NHSL2: variants seen among roughly 807,000 people sequenced by gnomAD.
The protein encoded by NHSL2 is NHS-like protein 2.
Under a neutral mutation model 53.4 loss-of-function variants are expected in NHSL2, and 27 were observed. That is an observed-to-expected ratio of 0.51 (90% CI 0.37 to 0.70). The LOEUF (loss-of-function observed/expected upper bound fraction) is 0.70, where lower values mean the gene tolerates loss of function less well. Ranked by LOEUF, NHSL2 falls within the 30% of genes least tolerant of loss-of-function variation. The pLI is 0.00. For synonymous variants in NHSL2, 408 were observed against 404.1 expected (o/e 1.01, Z -0.12); for missense variants, 892 against 980.1 (o/e 0.91, Z 1.20).
intron 1 of NHSL2, among the ~76,000 whole-genome samples, chrX:72,061,636 T>C (rs1377901833): frequency 8.9e-6 from 1 of 112,039 alleles, no homozygotes; most frequent in African/African-American, 3.2e-5. Flanking sequence ...AACATTTAAA[T>C]CATATCCTGT....
At chrX:72,044,032 G>A (rs1270774442) in intron 1 of NHSL2, among the ~76,000 whole-genome samples, 1 of 112,015 alleles carries the variant, frequency 8.9e-6, no homozygotes, top group African/African-American at 3.3e-5. Context: ...AAGCTACCAG[G>A]CTAGTTGAGA....
chrX:72,138,847 G>C lies in NHSL2; in HGVS notation c.1299G>C (p.Leu433=), dbSNP rs1236089197. ...TCTCTCTAAACAAAGTCCCACCTCT[G>C]GTTCCTAAGGAGGCTGCTACCCTCC... The part of the protein sequence containing the change: ...SWVSLNKVPP[L]VPKEAATLLV... The change falls in exon 6 of 8, where the codon CTG becomes CTC. Residue 433 remains leucine (L), a synonymous_variant. Coordinates refer to ENST00000633930, the MANE Select transcript of NHSL2 (RefSeq NM_001013627.3). The C allele has an allele frequency of 8.3e-7, 1 of 1,210,550 alleles. No homozygotes were observed. Among genetic ancestry groups the C allele is most frequent in the Admixed American group, 2.2e-5 (1 of 46,048 alleles).
intron 1 of NHSL2, among the ~76,000 whole-genome samples, chrX:72,054,251 C>A (rs903740503): frequency 9.0e-6 from 1 of 111,535 alleles, no homozygotes; most frequent in Non-Finnish European, 1.9e-5. Context: ...ACTATTTTGA[C>A]AGGTTGTTCC....
At chrX:72,129,495 A>C (rs1191857996) in intron 1 of NHSL2, 2 of 234,402 alleles carry the variant, frequency 8.5e-6, no homozygotes, top group Non-Finnish European at 7.7e-6. Flanking sequence ...GGTGAGGGTT[A>C]GGAACAACCA....
chrX:71,983,853 TCG>T (rs1316892079), intron 1 of NHSL2, among the ~76,000 whole-genome samples: 1 of 111,643 alleles, frequency 9.0e-6, no homozygotes, highest in Non-Finnish European at 1.9e-5. Context: ...GTCACTCTCA[TCG>T]CCATCTTGGT....
chrX:72,108,064 C>T (rs1405212332), intron 1 of NHSL2, among the ~76,000 whole-genome samples: 3 of 111,560 alleles, frequency 2.7e-5, no homozygotes, highest in Non-Finnish European at 5.7e-5. Context: ...TGAGAAGTAA[C>T]AGGGCTTTGA....
At chrX:72,095,176 T>C in intron 1 of NHSL2, among the ~76,000 whole-genome samples, 1 of 112,307 alleles carries the variant, frequency 8.9e-6, no homozygotes, top group Non-Finnish European at 1.9e-5. Context: ...AAGCAGGACC[T>C]AGAAGCTCTT....
intron 1 of NHSL2, among the ~76,000 whole-genome samples, chrX:72,052,624 G>C (rs189102334): frequency 8.1e-4 from 91 of 111,787 alleles, no homozygotes; most frequent in African/African-American, 2.9e-3. Flanking sequence ...TTCCAGTCCA[G>C]CTTCCCCCAT....
chrX:71,917,027 C>A (rs942605310), intron 1 of NHSL2, among the ~76,000 whole-genome samples: 1 of 111,924 alleles, frequency 8.9e-6, no homozygotes, highest in Non-Finnish European at 1.9e-5. Flanking sequence ...CAATTTCACT[C>A]AAATAAGCCC....
intron 1 of NHSL2, among the ~76,000 whole-genome samples, chrX:71,930,129 G>A (rs1189974148): frequency 9.0e-6 from 1 of 111,638 alleles, no homozygotes; most frequent in Non-Finnish European, 1.9e-5. Context: ...TGGCCATGTG[G>A]CTTGAACCTC....
At chrX:72,042,654 C>T (rs1263397790) in intron 1 of NHSL2, among the ~76,000 whole-genome samples, 1 of 108,759 alleles carries the variant, frequency 9.2e-6, no homozygotes, top group African/African-American at 3.4e-5. Flanking sequence ...ACCTAATTGT[C>T]GGCAGTAATG....
intron 4 of NHSL2, 85 bp from the exon 5 acceptor site, chrX:72,137,009 C>G: frequency 2.3e-5 from 18 of 776,093 alleles, no homozygotes; most frequent in Non-Finnish European, 3.4e-5. Context: ...ATCACGACTG[C>G]CATCATTCTC....
chrX:71,988,151 G>T (rs2042011079), intron 1 of NHSL2, among the ~76,000 whole-genome samples: 1 of 112,073 alleles, frequency 8.9e-6, no homozygotes, highest in South Asian at 3.7e-4. Flanking sequence ...GATGGGGAAG[G>T]CGAGTTGCTC....
chrX:71,920,319 GT>G (rs2041651058), intron 1 of NHSL2, among the ~76,000 whole-genome samples: 1 of 111,866 alleles, frequency 8.9e-6, no homozygotes, highest in Non-Finnish European at 1.9e-5. Flanking sequence ...CACCTAGAGA[GT>G]TTTTTTAAAT....
intron 1 of NHSL2, among the ~76,000 whole-genome samples, chrX:72,052,222 G>A (rs1426090371): frequency 8.9e-6 from 1 of 111,998 alleles, no homozygotes; most frequent in Non-Finnish European, 1.9e-5. Context: ...GTGATGGGGT[G>A]AAGGGTGACA....
intron 1 of NHSL2, among the ~76,000 whole-genome samples, chrX:72,063,346 T>C (rs182524263): frequency 1.7e-4 from 19 of 112,221 alleles, no homozygotes; most frequent in Non-Finnish European, 2.6e-4. Context: ...CTCCCTTGAG[T>C]AGGGGCTACT....
intron 1 of NHSL2, among the ~76,000 whole-genome samples, chrX:71,972,789 A>G (rs1403620396): frequency 9.0e-6 from 1 of 110,799 alleles, no homozygotes; most frequent in African/African-American, 3.3e-5. Context: ...GCTGTCTTAC[A>G]CTTCTCTGAG....
chrX:72,037,995 T>G (rs2042250200), intron 1 of NHSL2, among the ~76,000 whole-genome samples: 1 of 111,704 alleles, frequency 9.0e-6, no homozygotes, highest in South Asian at 3.7e-4. Flanking sequence ...TAACACAGAA[T>G]CCAAAATACC....
chrX:72,117,366 G>A (rs890222230), intron 1 of NHSL2, among the ~76,000 whole-genome samples: 2 of 104,157 alleles, frequency 1.9e-5, no homozygotes, highest in African/African-American at 7.1e-5. Flanking sequence ...TTCTTTTGAT[G>A]CTTGAGTATG....
Sources: allele counts gnomAD v4.1 joint callset (sites outside exome capture counted in the v4.1 genomes callset), GRCh38; gene constraint gnomAD v4.1.1; transcripts MANE v1.5; gene names NCBI Gene and HGNC (gene_info 2026-07-23, HGNC 2026-07-21).